FKBP9: variants seen among roughly 807,000 people sequenced by gnomAD.
FKBP9 encodes the protein peptidyl-prolyl cis-trans isomerase FKBP9.
FKBP9 carries 27 observed loss-of-function variants against 55.6 expected under a neutral mutation model. The observed-to-expected ratio is 0.49, with a 90% CI of 0.36 to 0.67. The LOEUF (loss-of-function observed/expected upper bound fraction) is 0.67, where lower values mean the gene tolerates loss of function less well. Ranked by LOEUF, FKBP9 falls within the 30% of genes least tolerant of loss-of-function variation. FKBP9 has a pLI of 0.00. For missense variants in FKBP9, 539 were observed against 742.8 expected, an observed-to-expected ratio of 0.73 and a Z score of 3.19; for synonymous variants, 267 against 296.5, an observed-to-expected ratio of 0.90 and a Z score of 1.02.
chr7:32,992,519 A>G (rs1784705596), intron 6 of FKBP9, among the ~76,000 whole-genome samples: 1 of 152,240 alleles, frequency 6.6e-6, no homozygotes, highest in Non-Finnish European at 1.5e-5. Flanking sequence ...GCATTGGTTA[A>G]GGGTTTATAC....
At chr7:32,960,371 T>C (rs1020261241) in intron 1 of FKBP9, among the ~76,000 whole-genome samples, 24 of 152,144 alleles carry the variant, frequency 1.6e-4, no homozygotes, top group African/African-American at 5.8e-4. Context: ...CACCTCGGCC[T>C]CCCAAAGTGC....
intron 2 of FKBP9, 169 bp downstream of exon 2, chr7:32,974,931 G>A: frequency 1.0e-5 from 7 of 671,638 alleles, no homozygotes; most frequent in South Asian, 9.9e-5. Context: ...ATTTCTTCTA[G>A]ATGTGAAAGA....
intron 1 of FKBP9, chr7:32,963,828 A>G (rs1784077948): frequency 2.7e-6 from 3 of 1,114,272 alleles, no homozygotes; most frequent in Non-Finnish European, 3.4e-6. Flanking sequence ...CAGCGCCGAC[A>G]AACTGGACTT....
At chr7:33,004,566 T>C (rs758746574) in intron 9 of FKBP9, among the ~76,000 whole-genome samples, 6 of 152,342 alleles carry the variant, frequency 3.9e-5, no homozygotes, top group Admixed American at 6.5e-5. Context: ...TCCCTTCTCC[T>C]TAAAGTTTTA....
intron 1 of FKBP9, among the ~76,000 whole-genome samples, chr7:32,974,387 T>C (rs532925185): frequency 2.0e-5 from 3 of 151,244 alleles, no homozygotes; most frequent in Admixed American, 6.6e-5. Flanking sequence ...GAGAGAGTTA[T>C]GCTGATTCTT....
chr7:32,964,629 G>A (rs920861985), intron 1 of FKBP9, among the ~76,000 whole-genome samples: 3 of 152,096 alleles, frequency 2.0e-5, no homozygotes, highest in African/African-American at 7.2e-5. Context: ...TTCCTCCTCT[G>A]CAGCGTTCTC....
chr7:32,974,899 C>T (rs1366681103), intron 2 of FKBP9, 137 bp downstream of exon 2: 2 of 785,048 alleles, frequency 2.5e-6, no homozygotes, highest in Admixed American at 2.9e-5. Context: ...TCATACACAG[C>T]TAAAATTTCC....
At chr7:32,996,603 A>ATCTT (rs1562574879) in intron 7 of FKBP9, among the ~76,000 whole-genome samples, 1 of 108,150 alleles carries the variant, frequency 9.2e-6, no homozygotes, top group East Asian at 2.5e-4. Flanking sequence ...TATAACTGCT[A>ATCTT]TCTTTCCTTC....
chr7:32,985,000 G>A (rs1433261852), intron 5 of FKBP9, among the ~76,000 whole-genome samples: 1 of 151,936 alleles, frequency 6.6e-6, no homozygotes, highest in East Asian at 1.9e-4. Context: ...GTATAGTAGA[G>A]GGCATTCTTT....
chr7:32,994,003 T>C lies in FKBP9; in HGVS notation c.1040-2160T>C, dbSNP rs373494519. ...GCTTCTGTGAATATGAGTGTACAAATATCTGTTCGCATCTCCAGCTTCAAT... is the reference window on the plus strand; with the variant it reads ...GCTTCTGTGAATATGAGTGTACAAACATCTGTTCGCATCTCCAGCTTCAAT... On this transcript the variant is annotated intron_variant, in intron 6 of 9. Coordinates refer to ENST00000242209, the MANE Select transcript of FKBP9 (RefSeq NM_007270.5). Among the ~76,000 whole-genome samples the C allele has an allele frequency of 8.5e-5, 13 of 152,354 alleles. No individual in the cohort carries two copies. In the East Asian group the frequency reaches 2.1e-3, roughly 25 times the overall value.
intron 5 of FKBP9, among the ~76,000 whole-genome samples, chr7:32,986,762 C>T (rs749033274): frequency 7.9e-5 from 12 of 152,178 alleles, no homozygotes; most frequent in African/African-American, 1.9e-4. Context: ...TGGCCCTGCT[C>T]GGCAGTCCTT....
At chr7:33,001,519 G>A (rs529822660) in intron 8 of FKBP9, among the ~76,000 whole-genome samples, 12 of 141,428 alleles carry the variant, frequency 8.5e-5, no homozygotes, top group Non-Finnish European at 1.8e-4. Flanking sequence ...TGGCGACAGG[G>A]CAAGACTCCA....
chr7:32,958,170 C>T lies in FKBP9; in HGVS notation c.221+376C>T, dbSNP rs1783943953. Among the ~76,000 whole-genome samples, 3 of 152,200 alleles carry T rather than the reference C, an allele frequency of 2.0e-5. No individual in the cohort carries two copies. The South Asian group carries it at 6.2e-4, about 32-fold the overall frequency. ...GGATGTTCGTGCCTGCCTCTCTTCG[C>T]CCTTTCCTGTTCCTTCCCTCCGCTC... On this transcript the variant is annotated intron_variant, in intron 1 of 9. Coordinates refer to ENST00000242209, the MANE Select transcript of FKBP9 (RefSeq NM_007270.5).
chr7:32,982,802 G>A (rs1203638993), intron 5 of FKBP9, among the ~76,000 whole-genome samples: 2 of 152,208 alleles, frequency 1.3e-5, no homozygotes, highest in African/African-American at 2.4e-5. Context: ...TCTAACAGCT[G>A]CATATATTTC....
chr7:32,970,483 A>G (rs1784231149), intron 1 of FKBP9, among the ~76,000 whole-genome samples: 1 of 151,982 alleles, frequency 6.6e-6, no homozygotes, highest in Non-Finnish European at 1.5e-5. Flanking sequence ...TGCATGAGCC[A>G]CTGCACCTGG....
chr7:32,965,810 AAAAT>A (rs1195757086), intron 1 of FKBP9, among the ~76,000 whole-genome samples: 1 of 37,502 alleles, frequency 2.7e-5, no homozygotes, highest in Non-Finnish European at 4.6e-5. Context: ...AAAAAAAAAA[AAAAT>A]ATATATATAT....
intron 6 of FKBP9, among the ~76,000 whole-genome samples, chr7:32,995,410 G>A (rs1784766023): frequency 6.6e-6 from 1 of 152,076 alleles, no homozygotes; most frequent in Non-Finnish European, 1.5e-5. Context: ...ATGTTTAAGT[G>A]TCCCCCACGC....
At chr7:32,962,147 A>G (rs1466913355) in intron 1 of FKBP9, among the ~76,000 whole-genome samples, 1 of 152,114 alleles carries the variant, frequency 6.6e-6, no homozygotes, top group African/African-American at 2.4e-5. Context: ...CTGTAATCCC[A>G]GCACTTTGGG....
chr7:32,960,634 G>T (rs1331445776), intron 1 of FKBP9, among the ~76,000 whole-genome samples: 1 of 152,172 alleles, frequency 6.6e-6, no homozygotes, highest in Non-Finnish European at 1.5e-5. Flanking sequence ...AACATCTCTA[G>T]GGCTGGCAGC....
Sources: gnomAD v4.1 joint callset for allele counts (sites outside exome capture counted in the v4.1 genomes callset) on GRCh38, gnomAD v4.1.1 for gene constraint, MANE v1.5 for transcripts, NCBI Gene and HGNC (gene_info 2026-07-23, HGNC 2026-07-21) for gene names.